Variants in EHBP1L1 observed in about 807,000 individuals in gnomAD.
EHBP1L1 encodes the protein EH domain binding protein 1 like 1, also known as EH domain-binding protein 1-like protein 1.
A neutral mutation model predicts 151.1 loss-of-function variants in EHBP1L1; 122 were observed. The ratio of observed to expected loss-of-function variants is 0.81; its 90% CI spans 0.70 to 0.94. EHBP1L1 has a LOEUF of 0.94. Among genes scored for constraint, EHBP1L1 ranks in the 40% least tolerant of loss-of-function variants. The probability of loss-of-function intolerance (pLI) is 0.00; values close to 1 mark genes in which losing one functional copy is unlikely to be tolerated. For missense variants in EHBP1L1, 1,941 were observed against 1,959.8 expected (o/e 0.99, Z 0.18); for synonymous variants, 878 against 810.1 (o/e 1.08, Z -1.42).
In EHBP1L1 at chr11:65,585,676, G is replaced by A; in HGVS notation, c.3933+85G>A. The stretch of plus-strand genomic sequence containing the variant: ...CAGAGAACGGGCGAGCCCCCAAGGG[G>A]CCCCAAGGACAGAGCTGGCGCGAGG... On this transcript the variant is annotated intron_variant, in intron 12 of 18. Coordinates refer to ENST00000309295, the MANE Select transcript of EHBP1L1 (RefSeq NM_001099409.3). The surrounding 1 kb of genome is among the most constrained non-coding windows in gnomAD (Gnocchi z 4.0). 6.6e-7 allele frequency: 1 copy of A among 1,508,004 alleles called. No individual in the cohort carries two copies. The highest frequency in any genetic ancestry group is 8.8e-7 in the Non-Finnish European group (1 of 1,130,628). 93.4% of individuals were successfully genotyped at this position (1,508,004 alleles called of 1,614,324 possible).
Position 65,581,724 on chromosome 11 carries a change from C to G in EHBP1L1, c.1052C>G (p.Thr351Arg). 4 of 1,594,684 alleles carry G rather than the reference C, an allele frequency of 2.5e-6. No individual in the cohort carries two copies. The highest frequency in any genetic ancestry group is 3.4e-6 in the Non-Finnish European group (4 of 1,170,838). ...GCCCAGGCATGCCCTCAGGAAGGGACAGAAGCCCATGGAGCTAGGCTGGGC... is the reference window on the plus strand; with the variant it reads ...GCCCAGGCATGCCCTCAGGAAGGGAGAGAAGCCCATGGAGCTAGGCTGGGC... Reference protein sequence around the residue: ...TQAQACPQEGTEAHGARLGPS... With the variant: ...TQAQACPQEGREAHGARLGPS... The change falls in exon 9 of 19, where the codon ACA becomes AGA. Residue 351 changes from threonine (T) to arginine (R), a missense_variant. Coordinates refer to ENST00000309295, the MANE Select transcript of EHBP1L1 (RefSeq NM_001099409.3).
rs1857748779 is a variant in EHBP1L1, at chr11:65,583,421, G to A, written c.2749G>A (p.Ala917Thr). The change falls in exon 9 of 19, where the codon GCA becomes ACA. Residue 917 changes from alanine to threonine, a missense_variant. Physicochemically the swap from Ala to Thr is moderately conservative, Grantham distance 58. Transcript: ENST00000309295. ...GCCAAGAGTTTTAGGATCCCAGGAA[G>A]CAAAAGCAGAGATTTCAGGAGTACA... is the stretch of plus-strand genomic sequence containing the variant. ...TQPRVLGSQE[A>T]KAEISGVQGS... 2 of 1,613,544 alleles carry A rather than the reference G, an allele frequency of 1.2e-6. No individual in the cohort carries two copies. The highest frequency in any genetic ancestry group is 2.7e-5 in the African/African-American group (2 of 74,970).
Position 65,582,419 on chromosome 11 carries a change from G to A in EHBP1L1, c.1747G>A (p.Gly583Arg), listed in dbSNP as rs1857665428. 1.2e-6 allele frequency: 2 copies of A among 1,610,758 alleles called. No homozygotes were observed. The highest frequency in any genetic ancestry group is 1.7e-6 in the Non-Finnish European group (2 of 1,179,002). ...TGAGGTGGTAGGGTTGGAGGTGCTG[G>A]GAACCCAGGAGAAAGAAGTTGAGGG... is the stretch of plus-strand genomic sequence containing the variant. ...ETEVVGLEVL[G>R]TQEKEVEGSG... The change falls in exon 9 of 19, where the codon GGA becomes AGA. Residue 583 changes from glycine to arginine, a missense_variant. Gly to Arg is a moderately radical substitution (Grantham distance 125). Transcript: ENST00000309295.
At chr11:65,586,647 A>G (rs1428507820) in intron 12 of EHBP1L1, among the ~76,000 whole-genome samples, 1 of 152,230 alleles carries the variant, frequency 6.6e-6, no homozygotes, top group Non-Finnish European at 1.5e-5. Flanking sequence ...ATAAGTGGCA[A>G]TGAGGCCAGG....
At chr11:65,580,538 C>T (rs995677044) in intron 6 of EHBP1L1, 59 bp downstream of exon 6, 25 of 1,571,728 alleles carry the variant, frequency 1.6e-5, no homozygotes, top group African/African-American at 4.0e-5. Context: ...GAGGGTTACC[C>T]GGGCCACCAG....
At chr11:65,587,202 G>A (rs1175814807) in intron 12 of EHBP1L1, among the ~76,000 whole-genome samples, 5 of 152,158 alleles carry the variant, frequency 3.3e-5, no homozygotes, top group Non-Finnish European at 5.9e-5. Context: ...GTGAAACCCC[G>A]TCTCTAATAA....
At position 65,580,011 on chromosome 11, in the gene EHBP1L1, A is replaced by G. The variant is rs776173152; in HGVS notation, c.312+22A>G. ...AAATGTGAGTGTCTGGAGTGGGCTC[A>G]GGTCTGGAATCTTGGGGACCCTGGG... On this transcript the variant is annotated intron_variant, in intron 4 of 18. Transcript: ENST00000309295. The G allele has an allele frequency of 2.4e-5, 39 of 1,613,630 alleles. No homozygotes were observed. The Middle Eastern group carries it at 6.6e-4, about 27-fold the overall frequency.
Position 65,576,154 on chromosome 11 carries a change from G to A in EHBP1L1, c.-149G>A. The A allele has an allele frequency of 1.9e-6, 1 of 527,406 alleles. No individual in the cohort carries two copies. The highest frequency in any genetic ancestry group is 2.9e-6 in the Non-Finnish European group (1 of 346,014). 32.7% of individuals were successfully genotyped at this position (527,406 alleles called of 1,614,324 possible). On this transcript the variant is annotated 5_prime_UTR_variant, in exon 1 of 19. Transcript: ENST00000309295. ...CCTGCGGGCCCCAGCGGCGGCAGCGGAGAGCGCGGTCCCGGGTCGGAGCCT... is the reference window on the plus strand; with the variant it reads ...CCTGCGGGCCCCAGCGGCGGCAGCGAAGAGCGCGGTCCCGGGTCGGAGCCT...
intron 6 of EHBP1L1, 33 bp from the exon 7 acceptor site, chr11:65,581,025 C>T: frequency 6.4e-7 from 1 of 1,571,096 alleles, no homozygotes; most frequent in Non-Finnish European, 8.6e-7. Context: ...CCTGGGCTGA[C>T]TCTGCCCTTC....
At chr11:65,589,324 G>A (rs1351325912) in intron 12 of EHBP1L1, among the ~76,000 whole-genome samples, 1 of 152,194 alleles carries the variant, frequency 6.6e-6, no homozygotes, top group Non-Finnish European at 1.5e-5. Context: ...ACCAGGAGGT[G>A]GAGGTTGCAG....
At chr11:65,586,830 T>C (rs1004518030) in intron 12 of EHBP1L1, among the ~76,000 whole-genome samples, 3 of 152,210 alleles carry the variant, frequency 2.0e-5, no homozygotes, top group Non-Finnish European at 4.4e-5. Context: ...CAGTGGCTCT[T>C]TAAATCTTAA....
At chr11:65,586,159 T>C (rs1359520353) in intron 12 of EHBP1L1, among the ~76,000 whole-genome samples, 2 of 152,192 alleles carry the variant, frequency 1.3e-5, no homozygotes, top group Non-Finnish European at 2.9e-5. Flanking sequence ...TCCTCTTTTC[T>C]TACAATGGAA....
Position 65,582,068 on chromosome 11 carries a change from C to T in EHBP1L1, c.1396C>T (p.Leu466=), listed in dbSNP as rs1408269669. ...EAPPRGSQGR[L]GVRTRDEAPS... is the part of the protein sequence containing the mutation. ...TCCTCCAAGGGGCTCTCAGGGGAGG[C>T]TGGGAGTCAGGACCAGGGATGAGGC... The change falls in exon 9 of 19, where the codon CTG becomes TTG. Residue 466 remains leucine (L), a synonymous_variant. Transcript: ENST00000309295. 7 of 1,612,180 alleles carry T rather than the reference C, an allele frequency of 4.3e-6. No individual in the cohort carries two copies. Among genetic ancestry groups the T allele is most frequent in the Non-Finnish European group, 5.9e-6 (7 of 1,179,328 alleles).
At position 65,583,629 on chromosome 11, in the gene EHBP1L1, A is replaced by T; in HGVS notation, c.2957A>T (p.Lys986Met). ...GAGGCTGGGGTCTTGGGAAATGAGA[A>T]GGGGAAAGAAGCTGAGGGAAGCCTC... ...EAEAGVLGNE[K>M]GKEAEGSLTE... Residue 986 changes from lysine (K) to methionine (M), a missense_variant, in exon 9 of 19, where the codon AAG becomes ATG. Lys to Met is a moderately conservative substitution (Grantham distance 95, BLOSUM62 -1). Coordinates refer to ENST00000309295, the MANE Select transcript of EHBP1L1 (RefSeq NM_001099409.3). 6.2e-7 allele frequency: 1 copy of T among 1,605,096 alleles called. No homozygotes were observed. Among genetic ancestry groups the T allele is most frequent in the Non-Finnish European group, 8.5e-7 (1 of 1,175,880 alleles).
Position 65,583,645 on chromosome 11 carries a change from G to A in EHBP1L1, c.2973G>A (p.Glu991=). 1 of 1,600,488 alleles carries A rather than the reference G, an allele frequency of 6.2e-7. No homozygotes were observed. The highest frequency in any genetic ancestry group is 8.5e-7 in the Non-Finnish European group (1 of 1,173,758). The change falls in exon 9 of 19, where the codon GAG becomes GAA. Residue 991 remains glutamate, a synonymous_variant. Transcript: ENST00000309295. ...VLGNEKGKEA[E]GSLTEASLPE... is the part of the protein sequence containing the mutation. Reference sequence around the variant, plus strand: ...GAAATGAGAAGGGGAAAGAAGCTGAGGGAAGCCTCACAGAGGCCAGCCTGC... The same window carrying A: ...GAAATGAGAAGGGGAAAGAAGCTGAAGGAAGCCTCACAGAGGCCAGCCTGC...
At position 65,592,342 on chromosome 11, in the gene EHBP1L1, G is replaced by A. The variant is rs1425111515; in HGVS notation, c.*40G>A. Reference sequence around the variant, plus strand: ...GTGGCCCATAACTTCTCGCGTCCCCGGCGTCCGCCGCCGCCCCGGGCCTGC... The same window carrying A: ...GTGGCCCATAACTTCTCGCGTCCCCAGCGTCCGCCGCCGCCCCGGGCCTGC... On this transcript the variant is annotated 3_prime_UTR_variant, in exon 19 of 19. Coordinates refer to ENST00000309295, the MANE Select transcript of EHBP1L1 (RefSeq NM_001099409.3). 4.5e-6 allele frequency: 6 copies of A among 1,338,936 alleles called. No homozygotes were observed. Among genetic ancestry groups the A allele is most frequent in the South Asian group, 3.4e-5 (2 of 59,642 alleles). The allele number at this position is 1,338,936 out of a possible 1,614,324, so 82.9% of individuals were successfully genotyped here.
chr11:65,582,516 C>T lies in EHBP1L1; in HGVS notation c.1844C>T (p.Ser615Leu). 2 of 1,613,342 alleles carry T rather than the reference C, an allele frequency of 1.2e-6. 1 individual carries two copies. Among genetic ancestry groups the T allele is most frequent in the South Asian group, 2.2e-5 (2 of 91,088 alleles). The stretch of plus-strand genomic sequence containing the variant: ...GCCTTGGAGAAAGAAGCAGCAAGAT[C>T]AAGGGTCCTGGAGTCAGAGGTTGCT... ...LGALEKEAAR[S>L]RVLESEVAGT... The change falls in exon 9 of 19, where the codon TCA (serine) becomes TTA (leucine). Residue 615 changes from serine to leucine, a missense_variant. Coordinates refer to ENST00000309295, the MANE Select transcript of EHBP1L1 (RefSeq NM_001099409.3).
rs557321430 is a variant in EHBP1L1, at chr11:65,584,384, C to T, written c.3237C>T (p.Phe1079=). 2.5e-6 allele frequency: 4 copies of T among 1,612,596 alleles called. No homozygotes were observed. Among genetic ancestry groups the T allele is most frequent in the Non-Finnish European group, 3.4e-6 (4 of 1,179,216 alleles). ...GLAFCAILHR[F]YPDKIDYASL... ...CCTTCTGTGCCATCCTGCACCGATTCTACCCAGACAAGATGTGAGCTGCCA... is the reference window on the plus strand; with the variant it reads ...CCTTCTGTGCCATCCTGCACCGATTTTACCCAGACAAGATGTGAGCTGCCA... Residue 1079 remains phenylalanine, a synonymous_variant, in exon 10 of 19, where the codon TTC becomes TTT. Coordinates refer to ENST00000309295, the MANE Select transcript of EHBP1L1 (RefSeq NM_001099409.3).
In EHBP1L1 at chr11:65,582,445, G is replaced by A. The variant is rs374999741; in HGVS notation, c.1773G>A (p.Gly591=). 2.0e-5 allele frequency: 33 copies of A among 1,612,334 alleles called. No individual in the cohort carries two copies. Among genetic ancestry groups the A allele is most frequent in the Non-Finnish European group, 2.5e-5 (30 of 1,179,680 alleles). ...VLGTQEKEVE[G]SGFPETRTLE... is the part of the protein sequence containing the mutation. ...GAACCCAGGAGAAAGAAGTTGAGGG[G>A]TCAGGGTTCCCAGAGACTAGGACAC... Residue 591 remains glycine (G), a synonymous_variant, in exon 9 of 19, where the codon GGG becomes GGA. Coordinates refer to ENST00000309295, the MANE Select transcript of EHBP1L1 (RefSeq NM_001099409.3).
Sources: gnomAD v4.1 joint callset for allele counts (sites outside exome capture counted in the v4.1 genomes callset) on GRCh38, gnomAD v4.1.1 for gene constraint, Gnocchi (gnomAD v3.1) non-coding constraint, MANE v1.5 for transcripts, NCBI Gene and HGNC (gene_info 2026-07-23, HGNC 2026-07-21) for gene names.